The following SERPINB11 variants were observed in gnomAD, a reference collection of about 807,000 sequenced individuals.
SERPINB11 encodes serpin B11.
In SERPINB11, 32 loss-of-function variants were observed where a neutral mutation model predicts 36.7. The observed-to-expected ratio is 0.87, with a 90% CI of 0.66 to 1.17. The LOEUF (loss-of-function observed/expected upper bound fraction) is 1.17, where lower values mean the gene tolerates loss of function less well. SERPINB11 is among the 50% of genes most tolerant of loss of function. SERPINB11 has a pLI of 0.00. For missense variants in SERPINB11, 528 were observed against 458.4 expected (o/e 1.15, Z -1.39); for synonymous variants, 174 against 168.1 (o/e 1.04, Z -0.27).
intron 1 of SERPINB11, among the ~76,000 whole-genome samples, chr18:63,707,419 T>C (rs1486678501): frequency 6.6e-6 from 1 of 152,194 alleles, no homozygotes; most frequent in Non-Finnish European, 1.5e-5. Flanking sequence ...ATGCAAGGCT[T>C]CTAAGGCCAC....
chr18:63,723,366 G>C lies in SERPINB11; in HGVS notation c.1146G>C (p.Thr382=), dbSNP rs753970615. The C allele has an allele frequency of 6.2e-7, 1 of 1,610,500 alleles. No homozygotes were observed. The change falls in exon 8 of 8, where the codon ACG becomes ACC. Residue 382 remains threonine, a synonymous_variant. Transcript: ENST00000544088. ...LFFIRHTHTN[T]ILFCGKLASP ...TTATAAGGCACACTCATACCAACAC[G>C]ATCCTATTCTGTGGCAAGCTTGCCT...
chr18:63,711,796 T>C (rs1244505159), intron 3 of SERPINB11, among the ~76,000 whole-genome samples: 1 of 152,136 alleles, frequency 6.6e-6, no homozygotes, highest in Non-Finnish European at 1.5e-5. Context: ...ATCCACATGC[T>C]CTGGGACTAT....
intron 4 of SERPINB11, 88 bp from the exon 5 acceptor site, chr18:63,715,947 A>G (rs8087185): frequency 5.4e-6 from 4 of 737,316 alleles, no homozygotes; most frequent in Non-Finnish European, 8.8e-6. Context: ...TTTTCTCTGC[A>G]TTAGAATTTT....
rs1425440055 is a variant in SERPINB11, at chr18:63,720,838, A to G, written c.626A>G (p.Asn209Ser). Residue 209 changes from asparagine to serine, a missense_variant, in exon 7 of 8, where the codon AAT becomes AGT. By Grantham distance (46) the Asn-to-Ser change is conservative (BLOSUM62 1). Coordinates refer to ENST00000544088, the MANE Select transcript of SERPINB11 (RefSeq NM_001370475.1). ...KSPFQLSEGK[N>S]VTVEMMYQIG... is the part of the protein sequence containing the mutation. ...TCTTTTTCTTCTTAACAGGGTAAAA[A>G]TGTAACTGTGGAAATGATGTATCAA... 3 of 1,551,678 alleles carry G rather than the reference A, an allele frequency of 1.9e-6. No homozygotes were observed. The highest frequency in any genetic ancestry group is 2.6e-6 in the Non-Finnish European group (3 of 1,147,266).
At chr18:63,708,410 G>A (rs1395128915) in intron 1 of SERPINB11, among the ~76,000 whole-genome samples, 1 of 152,182 alleles carries the variant, frequency 6.6e-6, no homozygotes, top group Non-Finnish European at 1.5e-5. Context: ...TAAAACTGGG[G>A]AGCATGAGAA....
Position 63,711,351 on chromosome 18 carries a change from A to T in SERPINB11, c.185A>T (p.His62Leu). The change falls in exon 3 of 8, where the codon CAT becomes CTT. Residue 62 changes from histidine to leucine, a missense_variant. Transcript: ENST00000544088. The stretch of plus-strand genomic sequence containing the variant: ...CTTTTCTAGGTGCTTCATTTTAGTC[A>T]TACTGTAGACTCATTAAAACCAGGG... ...EQLEKVLHFS[H>L]TVDSLKPGFK... 1 of 1,610,866 alleles carries T rather than the reference A, an allele frequency of 6.2e-7. No individual in the cohort carries two copies. The highest frequency in any genetic ancestry group is 8.5e-7 in the Non-Finnish European group (1 of 1,177,700).
At chr18:63,720,267 T>C in intron 6 of SERPINB11, 112 bp downstream of exon 6, 1 of 947,746 alleles carries the variant, frequency 1.1e-6, no homozygotes, top group Non-Finnish European at 1.6e-6. Context: ...AGGTTTCTGT[T>C]GGTTCTTTTT....
At chr18:63,718,638 T>C (rs1003889404) in intron 5 of SERPINB11, among the ~76,000 whole-genome samples, 5 of 152,050 alleles carry the variant, frequency 3.3e-5, no homozygotes, top group African/African-American at 1.2e-4. Flanking sequence ...ACTTAATAAT[T>C]CTAGTTTAGC....
At chr18:63,705,967 A>G (rs374733707) in intron 1 of SERPINB11, among the ~76,000 whole-genome samples, 1 of 152,282 alleles carries the variant, frequency 6.6e-6, no homozygotes, top group African/African-American at 2.4e-5. Context: ...AGAGAGCTGT[A>G]TTAAAATCAC....
At chr18:63,722,678 C>T (rs188240622) in intron 7 of SERPINB11, among the ~76,000 whole-genome samples, 4 of 152,218 alleles carry the variant, frequency 2.6e-5, no homozygotes, top group Admixed American at 2.0e-4. Context: ...AGTCCATCCA[C>T]GAAACAGGAC....
intron 4 of SERPINB11, among the ~76,000 whole-genome samples, chr18:63,715,508 A>G (rs192612941): frequency 3.9e-5 from 6 of 152,348 alleles, no homozygotes; most frequent in African/African-American, 1.4e-4. Flanking sequence ...CACACTTTAC[A>G]TAAATTTGAC....
chr18:63,713,348 G>A (rs888350269), intron 4 of SERPINB11, among the ~76,000 whole-genome samples: 1 of 152,174 alleles, frequency 6.6e-6, no homozygotes, highest in African/African-American at 2.4e-5. Context: ...AGCAGATTCT[G>A]AAAAGTCAGG....
chr18:63,721,466 G>A (rs1378287383), intron 7 of SERPINB11, among the ~76,000 whole-genome samples: 1 of 152,202 alleles, frequency 6.6e-6, no homozygotes, highest in Non-Finnish European at 1.5e-5. Flanking sequence ...GGCCGTGAAA[G>A]GAGTTTGGAT....
chr18:63,723,255 G>A lies in SERPINB11; in HGVS notation c.1035G>A (p.Glu345=). The change falls in exon 8 of 8, where the codon GAG becomes GAA. Residue 345 remains glutamate (E), a synonymous_variant. Coordinates refer to ENST00000544088, the MANE Select transcript of SERPINB11 (RefSeq NM_001370475.1). ...TGGATGTCAGCGAAGAGGGCACGGA[G>A]GCAGCAGCAGCCACTGGGGACAGCA... The part of the protein sequence containing the change: ...SYLDVSEEGT[E]AAAATGDSIA... 1 of 1,613,982 alleles carries A rather than the reference G, an allele frequency of 6.2e-7. No homozygotes were observed. The highest frequency in any genetic ancestry group is 8.5e-7 in the Non-Finnish European group (1 of 1,179,882).
Position 63,711,289 on chromosome 18 carries a change from G to A in SERPINB11, c.169-46G>A, listed in dbSNP as rs1254848076. ...TTACAACTGTCAACCTTTATAGACT[G>A]TACATTGCTTCTGATGCCAAAAGAT... On this transcript the variant is annotated intron_variant, in intron 2 of 7. Transcript: ENST00000544088. 7 of 1,305,204 alleles carry A rather than the reference G, an allele frequency of 5.4e-6. No homozygotes were observed. In the Admixed American group the frequency reaches 1.0e-4, roughly 19 times the overall value. The allele number at this position is 1,305,204 out of a possible 1,614,324, so 80.9% of individuals were successfully genotyped here.
At chr18:63,716,240 G>A (rs1914665351) in intron 5 of SERPINB11, 88 bp downstream of exon 5, 5 of 764,296 alleles carry the variant, frequency 6.5e-6, no homozygotes, top group Non-Finnish European at 1.1e-5. Context: ...GCTGGCTGAA[G>A]TCTGCACCTG....
At chr18:63,713,907 T>C (rs1914594242) in intron 4 of SERPINB11, among the ~76,000 whole-genome samples, 1 of 152,186 alleles carries the variant, frequency 6.6e-6, no homozygotes, top group African/African-American at 2.4e-5. Context: ...GACCTTGTTA[T>C]TTCAGGATTC....
Position 63,720,869 on chromosome 18 carries a change from A to G in SERPINB11, c.657A>G (p.Gly219=). 1 of 1,570,280 alleles carries G rather than the reference A, an allele frequency of 6.4e-7. No homozygotes were observed. The highest frequency in any genetic ancestry group is 2.3e-5 in the East Asian group (1 of 43,038). The change falls in exon 7 of 8, where the codon GGA becomes GGG. Residue 219 remains glycine, a synonymous_variant. Transcript: ENST00000544088. ...CTGTGGAAATGATGTATCAAATTGG[A>G]ACATTTAAACTGGCCTTTGTAAAGG... ...NVTVEMMYQI[G]TFKLAFVKEP...
At chr18:63,720,489 T>TAGAG (rs754823668) in intron 6 of SERPINB11, 9 of 327,368 alleles carry the variant, frequency 2.7e-5, no homozygotes, top group Non-Finnish European at 4.4e-5. Flanking sequence ...TTTTTTTTTC[T>TAGAG]AGAGAGTTTC....
Sources: allele counts gnomAD v4.1 joint callset (sites outside exome capture counted in the v4.1 genomes callset), GRCh38; gene constraint gnomAD v4.1.1; transcripts MANE v1.5; gene names NCBI Gene and HGNC (gene_info 2026-07-23, HGNC 2026-07-21).